Variants in DDX5 observed in about 807,000 individuals in gnomAD.
DDX5 encodes the protein DEAD-box helicase 5.
A neutral mutation model predicts 68.6 loss-of-function variants in DDX5; 6 were observed. The observed-to-expected ratio is 0.09, with a 90% confidence interval of 0.05 to 0.17. The LOEUF is 0.17. Ranked by LOEUF, DDX5 falls within the 10% of genes least tolerant of loss-of-function variation. The pLI is 1.00. For synonymous variants in DDX5, 350 were observed against 247.0 expected (o/e 1.42, Z -3.91); for missense variants, 499 against 756.1 (o/e 0.66, Z 3.99).
chr17:64,505,014 T>A lies in DDX5; in HGVS notation c.45-172A>T, dbSNP rs1214624483. ...TCTCTCTCAACAGCCACAGTTAACA[T>A]TTCCCGTAGTCCCAAGTACACATTA... On this transcript the variant is annotated intron_variant, in intron 1 of 12. Transcript: ENST00000225792. 5 of 568,774 alleles carry A rather than the reference T, an allele frequency of 8.8e-6. No homozygotes were observed. In the African/African-American group the frequency reaches 9.6e-5, roughly 11 times the overall value. 35.2% of individuals were successfully genotyped at this position (568,774 alleles called of 1,614,324 possible). A position where few individuals can be genotyped will look rare whatever the true frequency, so the allele number is the denominator to read the frequency against.
intron 1 of DDX5, chr17:64,505,681 G>T (rs1373150587): frequency 6.7e-7 from 1 of 1,483,960 alleles, no homozygotes; most frequent in African/African-American, 1.4e-5. Context: ...CAGGGCTTTG[G>T]AAGTGGTCCC....
At chr17:64,502,780 G>C in intron 8 of DDX5, 146 bp downstream of exon 8, 2 of 847,570 alleles carry the variant, frequency 2.4e-6, no homozygotes, top group Non-Finnish European at 3.5e-6. Context: ...ATTATTTGAA[G>C]GATTCAAGAA....
Position 64,504,121 on chromosome 17 carries a change from A to G in DDX5, c.308-5T>C. 6.2e-7 allele frequency: 1 copy of G among 1,614,072 alleles called. No individual in the cohort carries two copies. Among genetic ancestry groups the G allele is most frequent in the Non-Finnish European group, 8.5e-7 (1 of 1,179,916 alleles). On this transcript the variant is annotated splice_region_variant and splice_polypyrimidine_tract_variant and intron_variant, in intron 3 of 12. Transcript: ENST00000225792. Reference sequence around the variant, plus strand: ...CAATAACATCCATGACATTTGCTATAATTAGTAACAGATATTTAGTAAAAA... The same window carrying G: ...CAATAACATCCATGACATTTGCTATGATTAGTAACAGATATTTAGTAAAAA...
chr17:64,499,871 C>A lies in DDX5; in HGVS notation c.*52G>T, dbSNP rs999954235. 3.4e-6 allele frequency: 5 copies of A among 1,473,262 alleles called. No individual in the cohort carries two copies. Among genetic ancestry groups the A allele is most frequent in the Non-Finnish European group, 4.5e-6 (5 of 1,102,076 alleles). 91.3% of individuals were successfully genotyped at this position (1,473,262 alleles called of 1,614,324 possible). ...AATAACTATCTTGTCAGATAACACA[C>A]AATATAAAGAGCAATTATGAAAAAC... On this transcript the variant is annotated 3_prime_UTR_variant, in exon 13 of 13. Transcript: ENST00000225792.
rs782686523 is a variant in DDX5 at position 64,503,949 on chromosome 17, T to C, written c.441+34A>G. On this transcript the variant is annotated intron_variant, in intron 4 of 12. Coordinates refer to ENST00000225792, the MANE Select transcript of DDX5 (RefSeq NM_004396.5). ...AATTACCATTACATTTTCTTGCATA[T>C]ATCAGATCAACTCAAGAGTTCTCCC... 1.2e-5 allele frequency: 19 copies of C among 1,613,974 alleles called. No homozygotes were observed. The East Asian group carries it at 3.6e-4, about 30-fold the overall frequency.
Position 64,502,512 on chromosome 17 carries a change from C to G in DDX5, c.1021G>C (p.Glu341Gln). The G allele has an allele frequency of 1.9e-6, 3 of 1,613,550 alleles. No homozygotes were observed. Among genetic ancestry groups the G allele is most frequent in the Non-Finnish European group, 1.7e-6 (2 of 1,179,696 alleles). Residue 341 changes from glutamate to glutamine, a missense_variant, in exon 9 of 13, where the codon GAG becomes CAG. Physicochemically the swap from Glu to Gln is conservative, Grantham distance 29. This residue lies in a region of DDX5 where 141 missense variants were observed against 279.8 expected (regional missense o/e 0.50). Coordinates refer to ENST00000225792, the MANE Select transcript of DDX5 (RefSeq NM_004396.5). ...RLMEEIMSEK[E>Q]NKTIVFVETK... is the part of the protein sequence containing the mutation. ...TCCACAAAAACAATGGTTTTATTCT[C>G]CTTCTCACTCATGATCTCTTCCATT... is the stretch of plus-strand genomic sequence containing the variant.
In DDX5 at chr17:64,506,076, C is replaced by T. The variant is rs782638925; in HGVS notation, c.44G>A (p.Gly15Glu). ...CTGACAGCTCGGCTCCCAAACTCAC[C>T]CTCGGTCCCGGCCGCGGTCTCGGTC... ...SSDRDRGRDRGFGAPRFGGSR... is the reference protein window; with the variant it reads ...SSDRDRGRDREFGAPRFGGSR... Residue 15 changes from glycine (G) to glutamate (E), a missense_variant and splice_region_variant, in exon 1 of 13, where the codon GGG becomes GAG. Gly to Glu is a moderately conservative substitution (Grantham distance 98). Coordinates refer to ENST00000225792, the MANE Select transcript of DDX5 (RefSeq NM_004396.5). 5.0e-6 allele frequency: 8 copies of T among 1,601,594 alleles called. No homozygotes were observed. Among genetic ancestry groups the T allele is most frequent in the Non-Finnish European group, 6.8e-6 (8 of 1,174,560 alleles).
chr17:64,504,880 G>A (rs200274440), intron 1 of DDX5, 38 bp from the exon 2 acceptor site: 13 of 1,572,974 alleles, frequency 8.3e-6, no homozygotes, highest in African/African-American at 8.2e-5. Context: ...TTTTCAAATG[G>A]CTATACCCAG....
upstream of DDX5, chr17:64,506,721 C>T (rs1340909546): frequency 4.8e-6 from 2 of 413,936 alleles, no homozygotes; most frequent in African/African-American, 2.1e-5. Flanking sequence ...TTCCCGTTGA[C>T]GTCGGCGGAG....
upstream of DDX5, chr17:64,506,659 T>C (rs1318299107): frequency 2.0e-5 from 7 of 346,922 alleles, no homozygotes; most frequent in East Asian, 3.8e-4. Flanking sequence ...GGGCCTGGCG[T>C]TGTCACGTGG....
At chr17:64,503,370 T>A in intron 6 of DDX5, 22 bp from the exon 7 acceptor site, 1 of 1,614,104 alleles carries the variant, frequency 6.2e-7, no homozygotes, top group Non-Finnish European at 8.5e-7. Flanking sequence ...TACGTAAGTG[T>A]AACTACAATA....
rs1287697289 is a variant in DDX5 at position 64,499,781 on chromosome 17, T to C, written c.*142A>G. 5.4e-6 allele frequency: 4 copies of C among 737,752 alleles called. No homozygotes were observed. Among genetic ancestry groups the C allele is most frequent in the Non-Finnish European group, 8.0e-6 (4 of 499,652 alleles). The allele number at this position is 737,752 out of a possible 1,614,324, so 45.7% of individuals were successfully genotyped here. On this transcript the variant is annotated 3_prime_UTR_variant, in exon 13 of 13. Coordinates refer to ENST00000225792, the MANE Select transcript of DDX5 (RefSeq NM_004396.5). ...AATGTAGAGAAATATCCAACTTAAA[T>C]AGCGAAAAAGTGCACCATAATTACT... is the stretch of plus-strand genomic sequence containing the variant.
At chr17:64,506,614 G>A, upstream of DDX5, 1 of 383,606 alleles carries the variant, frequency 2.6e-6, no homozygotes, top group Non-Finnish European at 4.8e-6. Context: ...TCTCCAAAGA[G>A]CCCTCACGTC....
In DDX5 at chr17:64,504,253, T is replaced by G; in HGVS notation, c.276A>C (p.Pro92=). 1.2e-6 allele frequency: 2 copies of G among 1,614,194 alleles called. No homozygotes were observed. The highest frequency in any genetic ancestry group is 1.7e-6 in the Non-Finnish European group (2 of 1,180,014). ...ITVRGHNCPK[P]VLNFYEANFP... ...AATTGGCTTCATAAAAATTTAGAAC[T>G]GGCTTCGGGCAGTTGTGACCTCTAA... The change falls in exon 3 of 13, where the codon CCA becomes CCC. Residue 92 remains proline (P), a synonymous_variant. Coordinates refer to ENST00000225792, the MANE Select transcript of DDX5 (RefSeq NM_004396.5).
chr17:64,506,805 T>G, upstream of DDX5: 1 of 568,580 alleles, frequency 1.8e-6, no homozygotes, highest in Admixed American at 3.0e-5. Context: ...CCGGCTGATG[T>G]GGACCGTCCG....
Position 64,503,769 on chromosome 17 carries a change from TGCTTCTAATAAAAAG to T in DDX5, c.507+19_507+33del. 6.3e-7 allele frequency: 1 copy of T among 1,594,528 alleles called. No individual in the cohort carries two copies. Among genetic ancestry groups the T allele is most frequent in the Non-Finnish European group, 8.6e-7 (1 of 1,167,980 alleles). On this transcript the variant is annotated intron_variant, in intron 5 of 12. Coordinates refer to ENST00000225792, the MANE Select transcript of DDX5 (RefSeq NM_004396.5). ...TATGTAGTCTAAAATCTACACATTA[TGCTTCTAATAAAAAG>T]TTAAAAATATATACTTACAATAGGC...
chr17:64,503,604 C>G (rs1449515964), intron 5 of DDX5, 33 bp from the exon 6 acceptor site: 1 of 1,610,660 alleles, frequency 6.2e-7, no homozygotes, highest in Non-Finnish European at 8.5e-7. Context: ...CAGCACAAAC[C>G]TGGATACTAG....
At chr17:64,504,946 C>T (rs2038395723) in intron 1 of DDX5, 104 bp from the exon 2 acceptor site, 3 of 1,101,954 alleles carry the variant, frequency 2.7e-6, no homozygotes, top group African/African-American at 3.2e-5. Context: ...TGAAAACAGA[C>T]TTCGAGAGGT....
At chr17:64,501,056 C>A in intron 11 of DDX5, 1 of 478,702 alleles carries the variant, frequency 2.1e-6, no homozygotes, top group Admixed American at 3.8e-5. Context: ...AGTTCCCTTA[C>A]AGATCATCAA....
Sources: gnomAD v4.1 joint callset for allele counts on GRCh38, gnomAD v4.1.1 for gene constraint, gnomAD v4.1.1 regional missense constraint, MANE v1.5 for transcripts, NCBI Gene and HGNC (gene_info 2026-07-23, HGNC 2026-07-21) for gene names.